Variants in SEMA5B observed in about 807,000 individuals in gnomAD.
SEMA5B encodes semaphorin-5B.
A neutral mutation model predicts 135.0 loss-of-function variants in SEMA5B; 66 were observed. The observed-to-expected ratio is 0.49, with a 90% CI of 0.40 to 0.60. The LOEUF is 0.60. Ranked by LOEUF, SEMA5B falls within the 20% of genes least tolerant of loss-of-function variation. SEMA5B has a pLI of 0.00. For missense variants in SEMA5B, 1,501 were observed against 1,566.3 expected (o/e 0.96, Z 0.70); for synonymous variants, 690 against 639.5 (o/e 1.08, Z -1.19).
intron 1 of SEMA5B, chr3:122,975,198 G>A (rs1222504679): frequency 6.6e-6 from 1 of 152,480 alleles, no homozygotes; most frequent in Non-Finnish European, 1.5e-5. Context: ...GGGTCCAGGG[G>A]TGAGGAGCAG....
At chr3:122,914,026 A>G (rs559464132) in intron 14 of SEMA5B, 25 bp from the exon 15 acceptor site, 1 of 1,553,464 alleles carries the variant, frequency 6.4e-7, no homozygotes. Flanking sequence ...GGGGACAGAG[A>G]CAGATGCCCC....
rs747020737 is a variant in SEMA5B at position 122,910,879 on chromosome 3, G to A, written c.3258C>T (p.Gly1086=). ...GTGTGTACTTTTCATTCTTCGGGGT[G>A]CCTCCGCCCTTGTAGTGCAAATGGT... The part of the protein sequence containing the change: ...TPNHLHYKGG[G]TPKNEKYTPM... Residue 1086 remains glycine, a synonymous_variant, in exon 22 of 23, where the codon GGC becomes GGT. Coordinates refer to ENST00000357599, the MANE Select transcript of SEMA5B (RefSeq NM_001031702.4). 78 of 1,612,992 alleles carry A rather than the reference G, an allele frequency of 4.8e-5. No homozygotes were observed. Among genetic ancestry groups the A allele is most frequent in the Non-Finnish European group, 6.4e-5 (76 of 1,179,930 alleles).
Position 122,909,989 on chromosome 3 carries a change from A to C in SEMA5B, c.*154T>G. The stretch of plus-strand genomic sequence containing the variant: ...CTTTCCCCCATGGTCAATGCCAGCC[A>C]GAGCTCTCTGAAGCCGGATGGGACC... On this transcript the variant is annotated 3_prime_UTR_variant, in exon 23 of 23. Coordinates refer to ENST00000357599, the MANE Select transcript of SEMA5B (RefSeq NM_001031702.4). 1.3e-6 allele frequency: 1 copy of C among 753,614 alleles called. No individual in the cohort carries two copies. Among genetic ancestry groups the C allele is most frequent in the Non-Finnish European group, 2.1e-6 (1 of 466,048 alleles). The allele number at this position is 753,614 out of a possible 1,614,324, so 46.7% of individuals were successfully genotyped here. A position where few individuals can be genotyped will look rare whatever the true frequency, so the allele number is the denominator to read the frequency against.
intron 1 of SEMA5B, among the ~76,000 whole-genome samples, chr3:122,976,961 A>C (rs1576384302): frequency 6.6e-6 from 1 of 152,198 alleles, no homozygotes; most frequent in African/African-American, 2.4e-5. Context: ...GAAGCACAAG[A>C]ATCACTTGAA....
At chr3:123,021,767 A>G (rs765714117) in intron 1 of SEMA5B, among the ~76,000 whole-genome samples, 7 of 152,234 alleles carry the variant, frequency 4.6e-5, no homozygotes, top group Non-Finnish European at 7.3e-5. Flanking sequence ...GTCAGCCGGT[A>G]ACACACAGAT....
At chr3:122,970,678 T>A (rs1402911133) in intron 1 of SEMA5B, among the ~76,000 whole-genome samples, 2 of 152,226 alleles carry the variant, frequency 1.3e-5, no homozygotes, top group Non-Finnish European at 2.9e-5. Context: ...TCTCGTTTAA[T>A]CATCACAGCC....
chr3:122,943,143 A>T (rs944838037), intron 4 of SEMA5B, among the ~76,000 whole-genome samples: 9 of 152,096 alleles, frequency 5.9e-5, no homozygotes, highest in African/African-American at 2.2e-4. Context: ...CCGGGCAGGG[A>T]CCAGGCAGGG....
chr3:122,912,167 C>T lies in SEMA5B; in HGVS notation c.2896+5G>A, dbSNP rs1937760658. 1 of 1,583,010 alleles carries T rather than the reference C, an allele frequency of 6.3e-7. No homozygotes were observed. Among genetic ancestry groups the T allele is most frequent in the Non-Finnish European group, 8.6e-7 (1 of 1,159,556 alleles). On this transcript the variant is annotated splice_donor_5th_base_variant and intron_variant, in intron 19 of 22. Coordinates refer to ENST00000357599, the MANE Select transcript of SEMA5B (RefSeq NM_001031702.4). ...TTCCCAGCCCTGGCGGGATGTGCCT[C>T]ATACCTGGGCAGGCCTGTGTGGCAC...
In SEMA5B at chr3:122,922,475, C is replaced by A. The variant is rs748691686; in HGVS notation, c.1273-28G>T. 4 of 1,557,198 alleles carry A rather than the reference C, an allele frequency of 2.6e-6. No homozygotes were observed. The South Asian group carries it at 4.7e-5, about 18-fold the overall frequency. On this transcript the variant is annotated intron_variant, in intron 10 of 22. Coordinates refer to ENST00000357599, the MANE Select transcript of SEMA5B (RefSeq NM_001031702.4). ...GCCGCGGGGAGCCAGGTCACGCGCG[C>A]CCCGGCCACCAGGGCTGCCGCCATC...
At chr3:123,021,424 G>T (rs1168782507) in intron 1 of SEMA5B, among the ~76,000 whole-genome samples, 1 of 152,242 alleles carries the variant, frequency 6.6e-6, no homozygotes, top group Non-Finnish European at 1.5e-5. Context: ...ATCTGCCCCA[G>T]CTACTCACTA....
chr3:122,990,435 T>TAGCAGCAGC (rs745521177), intron 1 of SEMA5B, among the ~76,000 whole-genome samples: 2 of 151,748 alleles, frequency 1.3e-5, no homozygotes, highest in Non-Finnish European at 2.9e-5. Context: ...GGAGAGGGTG[T>TAGCAGCAGC]AGCAGCAGCA....
At chr3:122,923,456 T>C (rs1938472919) in intron 10 of SEMA5B, among the ~76,000 whole-genome samples, 161 bp downstream of exon 10, 1 of 152,144 alleles carries the variant, frequency 6.6e-6, no homozygotes, top group Admixed American at 6.5e-5. Flanking sequence ...TTGTAGAGGC[T>C]AATACCCTCA....
chr3:122,918,371 A>C (rs1249400735), intron 12 of SEMA5B, among the ~76,000 whole-genome samples: 1 of 152,220 alleles, frequency 6.6e-6, no homozygotes, highest in African/African-American at 2.4e-5. Flanking sequence ...AGCGTAAGCA[A>C]ACAAAACAAA....
At chr3:123,023,326 A>G (rs1237229272) in intron 1 of SEMA5B, among the ~76,000 whole-genome samples, 4 of 132,484 alleles carry the variant, frequency 3.0e-5, no homozygotes, top group Non-Finnish European at 6.6e-5. Context: ...TTTCCAGCAC[A>G]CACACACACA....
Position 122,942,326 on chromosome 3 carries a change from A to G in SEMA5B, c.428+1110T>C, listed in dbSNP as rs561380744. Among the ~76,000 whole-genome samples, 3 of 152,276 alleles carry G rather than the reference A, an allele frequency of 2.0e-5. No individual in the cohort carries two copies. The South Asian group carries it at 6.2e-4, about 32-fold the overall frequency. On this transcript the variant is annotated intron_variant, in intron 4 of 22. Coordinates refer to ENST00000357599, the MANE Select transcript of SEMA5B (RefSeq NM_001031702.4). The stretch of plus-strand genomic sequence containing the variant: ...TGTGTTCTTGACTTGCCTCATTTTC[A>G]TACAGCAAATGAAGGGGTGGAGACA...
chr3:122,969,262 GC>G (rs1418569746), intron 1 of SEMA5B, among the ~76,000 whole-genome samples: 13 of 152,216 alleles, frequency 8.5e-5, no homozygotes, highest in Non-Finnish European at 1.3e-4. Flanking sequence ...TGATGCCAAA[GC>G]GCATGCTTTT....
chr3:122,984,891 A>G lies in SEMA5B; in HGVS notation c.-38-23590T>C, dbSNP rs1411663925. Among the ~76,000 whole-genome samples, 3 of 152,300 alleles carry G rather than the reference A, an allele frequency of 2.0e-5. No homozygotes were observed. The East Asian group carries it at 5.8e-4, about 29-fold the overall frequency. On this transcript the variant is annotated intron_variant, in intron 1 of 22. Coordinates refer to ENST00000357599, the MANE Select transcript of SEMA5B (RefSeq NM_001031702.4). ...GGCCCAGAAAAATCACAGGGGAAAAAAATAATTTCCCCCTGTTTCTCCCAA... is the reference window on the plus strand; with the variant it reads ...GGCCCAGAAAAATCACAGGGGAAAAGAATAATTTCCCCCTGTTTCTCCCAA...
intron 1 of SEMA5B, among the ~76,000 whole-genome samples, chr3:123,017,851 T>G (rs949317420): frequency 1.5e-4 from 22 of 150,266 alleles, no homozygotes; most frequent in African/African-American, 5.4e-4. Flanking sequence ...GAGGTTGCAG[T>G]GAGCCAAGAC....
intron 1 of SEMA5B, chr3:122,976,139 T>G (rs1239026161): frequency 5.9e-6 from 9 of 1,535,130 alleles, no homozygotes; most frequent in Non-Finnish European, 7.8e-6. Context: ...TTATACACTC[T>G]CATCACTTCC....
Sources: gnomAD v4.1 joint callset for allele counts (sites outside exome capture counted in the v4.1 genomes callset) on GRCh38, gnomAD v4.1.1 for gene constraint, MANE v1.5 for transcripts, NCBI Gene and HGNC (gene_info 2026-07-23, HGNC 2026-07-21) for gene names.